The following NKAIN3 variants were observed in gnomAD, a reference collection of about 807,000 sequenced individuals.
The protein encoded by NKAIN3 is sodium/potassium transporting ATPase interacting 3, also known as sodium/potassium-transporting ATPase subunit beta-1-interacting protein 3.
NKAIN3 carries 25 observed loss-of-function variants against 30.2 expected under a neutral mutation model. That is an observed-to-expected ratio of 0.83 (90% confidence interval 0.60 to 1.16). NKAIN3 has a LOEUF of 1.16. Among genes scored for constraint, NKAIN3 ranks in the 50% most tolerant of loss-of-function variants. The probability of loss-of-function intolerance (pLI) is 0.00; values close to 1 mark genes in which losing one functional copy is unlikely to be tolerated. For missense variants in NKAIN3, 225 were observed against 254.1 expected (o/e 0.89, Z 0.78); for synonymous variants, 91 against 89.6 (o/e 1.02, Z -0.09).
At chr8:62,849,434 C>T (rs1047631582) in intron 4 of NKAIN3, among the ~76,000 whole-genome samples, 9 of 151,452 alleles carry the variant, frequency 5.9e-5, no homozygotes, top group African/African-American at 2.2e-4. Flanking sequence ...TATCCATTTC[C>T]TCTTTTTTTA....
chr8:62,677,122 A>G (rs1477304878), intron 3 of NKAIN3, among the ~76,000 whole-genome samples: 1 of 152,158 alleles, frequency 6.6e-6, no homozygotes, highest in African/African-American at 2.4e-5. Context: ...TTCCCAGGAA[A>G]TAGACTCTGA....
chr8:62,510,961 C>T (rs956297644), intron 1 of NKAIN3, among the ~76,000 whole-genome samples: 2 of 152,114 alleles, frequency 1.3e-5, no homozygotes, highest in East Asian at 3.9e-4. Context: ...ACATAAATGG[C>T]AGTGCTCCCA....
intron 4 of NKAIN3, among the ~76,000 whole-genome samples, chr8:62,769,791 T>G (rs1186328383): frequency 6.6e-6 from 1 of 152,230 alleles, no homozygotes; most frequent in East Asian, 1.9e-4. Context: ...TAAAAGAGTA[T>G]AGGTGATTCT....
At chr8:62,569,211 A>G (rs749753807) in intron 1 of NKAIN3, among the ~76,000 whole-genome samples, 3 of 152,206 alleles carry the variant, frequency 2.0e-5, no homozygotes, top group Non-Finnish European at 2.9e-5. Flanking sequence ...GCAAGTCTCC[A>G]GGTTATTAGG....
chr8:62,440,562 C>G (rs1805292392), intron 1 of NKAIN3, among the ~76,000 whole-genome samples: 1 of 152,170 alleles, frequency 6.6e-6, no homozygotes, highest in Non-Finnish European at 1.5e-5. Flanking sequence ...CATCTTGAAA[C>G]ACTGGCTAGT....
intron 3 of NKAIN3, among the ~76,000 whole-genome samples, chr8:62,728,380 T>C (rs2130535652): frequency 6.6e-6 from 1 of 152,278 alleles, no homozygotes; most frequent in Admixed American, 6.5e-5. Flanking sequence ...AAAAACTCCA[T>C]GGCCGGGTGC....
intron 4 of NKAIN3, among the ~76,000 whole-genome samples, chr8:62,845,347 T>C (rs1012426016): frequency 7.2e-6 from 1 of 138,348 alleles, no homozygotes; most frequent in African/African-American, 2.7e-5. Flanking sequence ...GCCTTGTATT[T>C]ATCAAAGATT....
At chr8:62,624,784 CT>C (rs776546497) in intron 3 of NKAIN3, among the ~76,000 whole-genome samples, 4,489 of 136,412 alleles carry the variant, frequency 0.033, 183 homozygotes, top group African/African-American at 0.1. Flanking sequence ...GAACATTCTG[CT>C]TTTTTTTTTT....
At chr8:62,732,319 T>G (rs76545877) in intron 3 of NKAIN3, among the ~76,000 whole-genome samples, 4,086 of 152,194 alleles carry the variant, frequency 0.027, 193 homozygotes, top group African/African-American at 0.093. Flanking sequence ...ATTTTTGTTT[T>G]AAATATTTCT....
At chr8:62,840,524 T>A (rs1819500672) in intron 4 of NKAIN3, among the ~76,000 whole-genome samples, 2 of 152,102 alleles carry the variant, frequency 1.3e-5, no homozygotes, top group Admixed American at 1.3e-4. Flanking sequence ...AACTTCTTTT[T>A]ATGAAGAGAC....
chr8:62,468,243 A>G (rs1382778412), intron 1 of NKAIN3, among the ~76,000 whole-genome samples: 1 of 152,230 alleles, frequency 6.6e-6, no homozygotes, highest in African/African-American at 2.4e-5. Context: ...ATATAAATAT[A>G]AACAGAAATT....
chr8:62,374,064 G>GATC (rs958126585), intron 1 of NKAIN3, among the ~76,000 whole-genome samples: 4 of 125,128 alleles, frequency 3.2e-5, no homozygotes, highest in African/African-American at 1.3e-4. Flanking sequence ...ACTGAGCCAA[G>GATC]ATCTCGCCAC....
intron 4 of NKAIN3, among the ~76,000 whole-genome samples, chr8:62,820,801 T>G (rs1818825831): frequency 6.6e-6 from 1 of 152,070 alleles, no homozygotes; most frequent in South Asian, 2.1e-4. Flanking sequence ...ATTAGGGAGC[T>G]GTAAGAATCC....
At chr8:62,506,431 A>G (rs1807640895) in intron 1 of NKAIN3, among the ~76,000 whole-genome samples, 1 of 149,514 alleles carries the variant, frequency 6.7e-6, no homozygotes, top group African/African-American at 2.5e-5. Flanking sequence ...GCAACTTAGG[A>G]CATGTGCATT....
chr8:62,500,457 G>GA (rs1429036999), intron 1 of NKAIN3, among the ~76,000 whole-genome samples: 1 of 121,224 alleles, frequency 8.2e-6, no homozygotes, highest in South Asian at 2.7e-4. Flanking sequence ...AAGAAAGAAA[G>GA]AAAGAAAGAA....
intron 1 of NKAIN3, among the ~76,000 whole-genome samples, chr8:62,259,138 T>C (rs1013882030): frequency 6.6e-6 from 1 of 152,176 alleles, no homozygotes; most frequent in Non-Finnish European, 1.5e-5. Flanking sequence ...AGAATAAATA[T>C]ATTACTTATT....
chr8:62,372,196 A>G (rs1433567569), intron 1 of NKAIN3, among the ~76,000 whole-genome samples: 1 of 150,628 alleles, frequency 6.6e-6, no homozygotes, highest in Non-Finnish European at 1.5e-5. Flanking sequence ...CTTTATGTAT[A>G]GGGCATTTAC....
intron 3 of NKAIN3, among the ~76,000 whole-genome samples, chr8:62,595,825 G>A (rs1156589448): frequency 1.3e-5 from 2 of 152,008 alleles, no homozygotes; most frequent in Admixed American, 1.3e-4. Context: ...TAACATCGGA[G>A]CATGGGCTAG....
chr8:62,273,672 T>C (rs1275191700), intron 1 of NKAIN3, among the ~76,000 whole-genome samples: 2 of 152,198 alleles, frequency 1.3e-5, no homozygotes, highest in African/African-American at 4.8e-5. Flanking sequence ...TGGTCAAATA[T>C]AACAGGCTTT....
Sources: allele counts gnomAD v4.1 joint callset (sites outside exome capture counted in the v4.1 genomes callset), GRCh38; gene constraint gnomAD v4.1.1; transcripts MANE v1.5; gene names NCBI Gene and HGNC (gene_info 2026-07-23, HGNC 2026-07-21).